KHDRBS3: variants seen among roughly 807,000 people sequenced by gnomAD.
KHDRBS3 encodes the protein KH RNA binding domain containing, signal transduction associated 3, also known as KH domain-containing, RNA-binding, signal transduction-associated protein 3.
In KHDRBS3, 23 loss-of-function variants were observed where a neutral mutation model predicts 45.6. The observed-to-expected ratio is 0.50, with a 90% CI of 0.36 to 0.72. KHDRBS3 has a LOEUF of 0.72. Ranked by LOEUF, KHDRBS3 falls within the 30% of genes least tolerant of loss-of-function variation. The pLI is 0.00. For synonymous variants in KHDRBS3, 162 were observed against 156.5 expected (o/e 1.04, Z -0.26); for missense variants, 352 against 424.8 (o/e 0.83, Z 1.51).
At chr8:135,635,977 AG>A (rs1830794242) in intron 7 of KHDRBS3, among the ~76,000 whole-genome samples, 2 of 152,212 alleles carry the variant, frequency 1.3e-5, no homozygotes, top group Non-Finnish European at 2.9e-5. Context: ...GGTTTTCCAA[AG>A]CTGCAGTTTT....
intron 1 of KHDRBS3, among the ~76,000 whole-genome samples, chr8:135,505,045 T>C (rs1199930822): frequency 6.6e-6 from 1 of 152,156 alleles, no homozygotes; most frequent in African/African-American, 2.4e-5. Flanking sequence ...CAAAAAAATA[T>C]GCTGATGCCC....
intron 3 of KHDRBS3, among the ~76,000 whole-genome samples, chr8:135,546,116 G>GA (rs927548468): frequency 6.6e-6 from 1 of 151,052 alleles, no homozygotes; most frequent in African/African-American, 2.4e-5. Context: ...TAACCTGGGT[G>GA]AAAGAGCAAG....
Position 135,588,452 on chromosome 8 carries a change from C to T in KHDRBS3, c.807+6379C>T, listed in dbSNP as rs75689379. Among the ~76,000 whole-genome samples the T allele has an allele frequency of 3.1e-4, 47 of 152,166 alleles. 1 individual carries two copies. In the East Asian group the frequency reaches 7.7e-3, roughly 25 times the overall value. ...TTTAATGGAGGCATCACTACATAGA[C>T]GTACTTGATTAAATAATTGGCCATT... On this transcript the variant is annotated intron_variant, in intron 6 of 8. Coordinates refer to ENST00000355849, the MANE Select transcript of KHDRBS3 (RefSeq NM_006558.3).
At chr8:135,553,902 A>C (rs547987345) in intron 4 of KHDRBS3, among the ~76,000 whole-genome samples, 1 of 152,296 alleles carries the variant, frequency 6.6e-6, no homozygotes, top group Non-Finnish European at 1.5e-5. Flanking sequence ...TTAAAATGCA[A>C]AATTACAGAA....
Position 135,568,870 on chromosome 8 carries a change from G to A in KHDRBS3, c.611+11283G>A, listed in dbSNP as rs540018964. On this transcript the variant is annotated intron_variant, in intron 5 of 8. Coordinates refer to ENST00000355849, the MANE Select transcript of KHDRBS3 (RefSeq NM_006558.3). ...CTGTGCTCTGCTCTTGCCTCCCCCT[G>A]TAACTGGTGCCTACATTTTATAGTC... Among the ~76,000 whole-genome samples the A allele has an allele frequency of 2.6e-5, 4 of 152,246 alleles. No homozygotes were observed. In the East Asian group the frequency reaches 5.8e-4, roughly 22 times the overall value.
intron 7 of KHDRBS3, among the ~76,000 whole-genome samples, chr8:135,635,879 T>A (rs1830790244): frequency 6.6e-6 from 1 of 152,230 alleles, no homozygotes. Context: ...CACATTTCAT[T>A]ATGCAATATC....
In KHDRBS3 at chr8:135,551,299, A is replaced by G. The variant is rs1191167181; in HGVS notation, c.471+2399A>G. On this transcript the variant is annotated intron_variant, in intron 4 of 8. Transcript: ENST00000355849. ...TCCACTCCATTCCGTTCCTTATGACACTGACTAGAACCGTGAATGCAGTGT... is the reference window on the plus strand; with the variant it reads ...TCCACTCCATTCCGTTCCTTATGACGCTGACTAGAACCGTGAATGCAGTGT... Among the ~76,000 whole-genome samples, 8 of 152,166 alleles carry G rather than the reference A, an allele frequency of 5.3e-5. No individual in the cohort carries two copies. The South Asian group carries it at 1.5e-3, about 28-fold the overall frequency.
intron 7 of KHDRBS3, among the ~76,000 whole-genome samples, chr8:135,643,659 T>G (rs1831160153): frequency 6.6e-6 from 1 of 152,218 alleles, no homozygotes; most frequent in South Asian, 2.1e-4. Context: ...TGATGATTAG[T>G]CTCTGGTGTC....
intron 1 of KHDRBS3, among the ~76,000 whole-genome samples, chr8:135,499,462 T>C (rs555161815): frequency 6.6e-6 from 1 of 152,228 alleles, no homozygotes; most frequent in Admixed American, 6.5e-5. Context: ...TTAAAACTCC[T>C]GATAGACTTG....
At chr8:135,590,609 A>C (rs576903480) in intron 6 of KHDRBS3, among the ~76,000 whole-genome samples, 1 of 152,318 alleles carries the variant, frequency 6.6e-6, no homozygotes, top group Admixed American at 6.5e-5. Flanking sequence ...AGAAACCTTT[A>C]ATTGAAAAGT....
chr8:135,502,767 G>A (rs947615051), intron 1 of KHDRBS3, among the ~76,000 whole-genome samples: 4 of 152,048 alleles, frequency 2.6e-5, no homozygotes, highest in Non-Finnish European at 5.9e-5. Context: ...GTAAGCACTC[G>A]GTAAATTCTG....
intron 7 of KHDRBS3, among the ~76,000 whole-genome samples, chr8:135,631,477 C>T (rs990353769): frequency 1.3e-5 from 2 of 151,490 alleles, no homozygotes; most frequent in Admixed American, 6.6e-5. Context: ...ACTTTTTAAA[C>T]GTTTCTGTTA....
intron 1 of KHDRBS3, among the ~76,000 whole-genome samples, chr8:135,517,348 G>T (rs957970000): frequency 2.4e-4 from 36 of 152,040 alleles, no homozygotes; most frequent in Non-Finnish European, 3.5e-4. Context: ...GCCTCACTTT[G>T]CCACAGTTAA....
intron 7 of KHDRBS3, among the ~76,000 whole-genome samples, chr8:135,627,969 A>T (rs1275636559): frequency 6.6e-6 from 1 of 152,220 alleles, no homozygotes; most frequent in African/African-American, 2.4e-5. Flanking sequence ...GATTCCATGT[A>T]TTCTAGCCAT....
intron 1 of KHDRBS3, among the ~76,000 whole-genome samples, chr8:135,484,727 T>C (rs543227875): frequency 1.3e-5 from 2 of 152,344 alleles, no homozygotes; most frequent in Admixed American, 1.3e-4. Flanking sequence ...TTTGGCCAAC[T>C]TGCTTAGCAT....
rs1236673413 is a variant in KHDRBS3, at chr8:135,548,637, C to T, written c.325-117C>T. 7.5e-5 allele frequency: 60 copies of T among 802,922 alleles called. 2 individuals carry two copies. In the East Asian group the frequency reaches 1.2e-3, roughly 16 times the overall value. 49.7% of individuals were successfully genotyped at this position (802,922 alleles called of 1,614,324 possible). Reference sequence around the variant, plus strand: ...TTAGAGTAGTGTCTACTGTGACAACCGCTTGCCAGATGGATTGTTTTTATT... The same window carrying T: ...TTAGAGTAGTGTCTACTGTGACAACTGCTTGCCAGATGGATTGTTTTTATT... On this transcript the variant is annotated intron_variant, in intron 3 of 8. Transcript: ENST00000355849.
intron 6 of KHDRBS3, among the ~76,000 whole-genome samples, chr8:135,597,065 A>G (rs141154697): frequency 5.3e-4 from 81 of 152,316 alleles, no homozygotes; most frequent in African/African-American, 1.9e-3. Flanking sequence ...TTTTAGATGG[A>G]TAATTTATAA....
chr8:135,595,380 A>T (rs1828929287), intron 6 of KHDRBS3, among the ~76,000 whole-genome samples: 1 of 152,198 alleles, frequency 6.6e-6, no homozygotes, highest in Non-Finnish European at 1.5e-5. Flanking sequence ...TTATGCTTGA[A>T]TAAAAAGTTT....
At chr8:135,473,917 A>C (rs963723681) in intron 1 of KHDRBS3, among the ~76,000 whole-genome samples, 2 of 152,208 alleles carry the variant, frequency 1.3e-5, no homozygotes, top group Non-Finnish European at 2.9e-5. Context: ...GGAGGAGTCC[A>C]TGAGAATGGC....
Sources: gnomAD v4.1 joint callset for allele counts (sites outside exome capture counted in the v4.1 genomes callset) on GRCh38, gnomAD v4.1.1 for gene constraint, MANE v1.5 for transcripts, NCBI Gene and HGNC (gene_info 2026-07-23, HGNC 2026-07-21) for gene names.